XKR6: variants seen among roughly 807,000 people sequenced by gnomAD.
The protein encoded by XKR6 is XK related 6, also known as XK-related protein 6.
A neutral mutation model predicts 56.7 loss-of-function variants in XKR6; 22 were observed. The ratio of observed to expected loss-of-function variants is 0.39; its 90% CI spans 0.28 to 0.55. The LOEUF (loss-of-function observed/expected upper bound fraction) is 0.55. Among genes scored for constraint, XKR6 ranks in the 20% least tolerant of loss-of-function variants. The probability of loss-of-function intolerance (pLI) is 0.66; values close to 1 mark genes in which losing one functional copy is unlikely to be tolerated. For missense variants in XKR6, 852 were observed against 889.0 expected, an observed-to-expected ratio of 0.96 and a Z score of 0.53; for synonymous variants, 524 against 387.8, an observed-to-expected ratio of 1.35 and a Z score of -4.13.
At chr8:10,947,626 C>G (rs561916663) in intron 1 of XKR6, among the ~76,000 whole-genome samples, 1 of 152,170 alleles carries the variant, frequency 6.6e-6, no homozygotes, top group Non-Finnish European at 1.5e-5. Context: ...GTGTAGCCCC[C>G]GGGGCCCTGG....
At chr8:10,980,532 C>G (rs1021951513) in intron 1 of XKR6, among the ~76,000 whole-genome samples, 2 of 152,174 alleles carry the variant, frequency 1.3e-5, no homozygotes, top group African/African-American at 4.8e-5. Flanking sequence ...TAGCACATTC[C>G]TAGCATGTTG....
chr8:11,092,349 G>A (rs1434441769), intron 1 of XKR6, among the ~76,000 whole-genome samples: 2 of 152,214 alleles, frequency 1.3e-5, no homozygotes, highest in Non-Finnish European at 2.9e-5. Context: ...TACAACCTTG[G>A]AAGCACTATG....
intron 1 of XKR6, among the ~76,000 whole-genome samples, chr8:11,084,545 C>A (rs1366576191): frequency 6.6e-6 from 1 of 152,148 alleles, no homozygotes; most frequent in Non-Finnish European, 1.5e-5. Context: ...TTACATAGCA[C>A]CTACCGCTAA....
At chr8:11,114,727 ATGTGTGTGTGTGTGTGTGTG>A (rs58011023) in intron 1 of XKR6, among the ~76,000 whole-genome samples, 14 of 118,374 alleles carry the variant, frequency 1.2e-4, no homozygotes, top group Non-Finnish European at 1.9e-4. Flanking sequence ...TAGATCACAT[ATGTGTGTGTGTGTGTGTGTG>A]TGTGTGTGTG....
chr8:11,103,671 A>G (rs1798570749), intron 1 of XKR6, among the ~76,000 whole-genome samples: 2 of 152,182 alleles, frequency 1.3e-5, no homozygotes, highest in African/African-American at 4.8e-5. Context: ...TATTTGACTA[A>G]AAATGGAGCT....
intron 1 of XKR6, among the ~76,000 whole-genome samples, chr8:11,024,090 C>G (rs1419763123): frequency 1.3e-5 from 2 of 152,140 alleles, no homozygotes; most frequent in Admixed American, 6.5e-5. Flanking sequence ...CAATCAATTT[C>G]CAATTTCCAT....
intron 1 of XKR6, among the ~76,000 whole-genome samples, chr8:11,193,912 T>C (rs2117141262): frequency 6.6e-6 from 1 of 152,302 alleles, no homozygotes; most frequent in South Asian, 2.1e-4. Flanking sequence ...TAGCTGAAAT[T>C]GCAAATTCAC....
At chr8:10,929,397 G>A (rs768584019) in intron 1 of XKR6, among the ~76,000 whole-genome samples, 22 of 152,192 alleles carry the variant, frequency 1.4e-4, no homozygotes, top group South Asian at 6.2e-4. Flanking sequence ...TAAAACATTC[G>A]CCTTGCTCTT....
At chr8:11,178,602 CAAAT>C (rs567893937) in intron 1 of XKR6, among the ~76,000 whole-genome samples, 5,755 of 121,052 alleles carry the variant, frequency 0.048, 179 homozygotes, top group Middle Eastern at 0.16. Flanking sequence ...CACACACACA[CAAAT>C]ATATATATAT....
chr8:11,173,980 C>T (rs894959772), intron 1 of XKR6, among the ~76,000 whole-genome samples: 38 of 152,196 alleles, frequency 2.5e-4, no homozygotes, highest in African/African-American at 8.9e-4. Flanking sequence ...GAGGGGAGTA[C>T]TTTCACAATT....
chr8:11,183,968 T>A (rs1264669149), intron 1 of XKR6, among the ~76,000 whole-genome samples: 1 of 151,942 alleles, frequency 6.6e-6, no homozygotes, highest in East Asian at 1.9e-4. Flanking sequence ...GGCAATAATA[T>A]CCCCCGGCTA....
chr8:10,977,916 G>A (rs566803042), intron 1 of XKR6, among the ~76,000 whole-genome samples: 16 of 152,150 alleles, frequency 1.1e-4, no homozygotes, highest in African/African-American at 3.9e-4. Context: ...GGCAACTGGT[G>A]GTGATACAGG....
At chr8:11,012,941 C>CT (rs1327854497) in intron 1 of XKR6, among the ~76,000 whole-genome samples, 1 of 152,062 alleles carries the variant, frequency 6.6e-6, no homozygotes, top group Non-Finnish European at 1.5e-5. Flanking sequence ...GGTGTCTTGC[C>CT]AAGTTGTAGT....
chr8:11,147,745 G>C (rs2116961394), intron 1 of XKR6, among the ~76,000 whole-genome samples: 1 of 151,900 alleles, frequency 6.6e-6, no homozygotes, highest in South Asian at 2.1e-4. Flanking sequence ...AAATTAAGGA[G>C]ATGCCATTAC....
chr8:11,181,370 A>T (rs1380002124), intron 1 of XKR6, among the ~76,000 whole-genome samples: 2 of 152,210 alleles, frequency 1.3e-5, no homozygotes, highest in Non-Finnish European at 2.9e-5. Context: ...TGTATTTCAG[A>T]TGACATGCTT....
At chr8:11,111,232 T>A (rs1798876321) in intron 1 of XKR6, among the ~76,000 whole-genome samples, 1 of 152,114 alleles carries the variant, frequency 6.6e-6, no homozygotes, top group South Asian at 2.1e-4. Context: ...CCATTCACAC[T>A]GTCTACCCTT....
intron 1 of XKR6, among the ~76,000 whole-genome samples, chr8:11,127,844 G>A (rs548166940): frequency 3.0e-4 from 45 of 152,196 alleles, no homozygotes; most frequent in African/African-American, 1.1e-3. Flanking sequence ...GGGCTATTAC[G>A]GTATAGTTTT....
At chr8:10,912,868 TAGAG>T (rs144153636) in intron 2 of XKR6, among the ~76,000 whole-genome samples, 46,491 of 140,592 alleles carry the variant, frequency 0.33, 7,950 homozygotes, top group African/African-American at 0.44. Context: ...TGTGTATAGA[TAGAG>T]AGAAAGAGGG....
intron 1 of XKR6, among the ~76,000 whole-genome samples, chr8:11,185,983 A>C (rs866621633): frequency 1.9e-4 from 29 of 152,196 alleles, no homozygotes; most frequent in Admixed American, 5.9e-4. Context: ...CCTCAGACTA[A>C]GAATGCTTTT....
Sources: gnomAD v4.1 joint callset for allele counts (sites outside exome capture counted in the v4.1 genomes callset) on GRCh38, gnomAD v4.1.1 for gene constraint, MANE v1.5 for transcripts, NCBI Gene and HGNC (gene_info 2026-07-23, HGNC 2026-07-21) for gene names.